Variants in STYK1 observed in about 807,000 individuals in gnomAD.
STYK1 encodes tyrosine-protein kinase STYK1.
A neutral mutation model predicts 48.1 loss-of-function variants in STYK1; 46 were observed. The observed-to-expected ratio is 0.96, with a 90% CI of 0.75 to 1.22. STYK1 has a LOEUF of 1.22. STYK1 is among the 50% of genes most tolerant of loss of function. The pLI is 0.00. For missense variants in STYK1, 527 were observed against 521.1 expected, an observed-to-expected ratio of 1.01 and a Z score of -0.11; for synonymous variants, 188 against 189.0, an observed-to-expected ratio of 0.99 and a Z score of 0.04.
intron 2 of STYK1, among the ~76,000 whole-genome samples, chr12:10,636,657 T>A (rs560409333): frequency 6.6e-6 from 1 of 152,328 alleles, no homozygotes; most frequent in East Asian, 1.9e-4. Context: ...ATTAGAAAAG[T>A]GATCACTGCT....
intron 6 of STYK1, among the ~76,000 whole-genome samples, chr12:10,627,999 G>A (rs944269695): frequency 1.3e-5 from 2 of 152,178 alleles, no homozygotes; most frequent in Non-Finnish European, 2.9e-5. Flanking sequence ...TTTTTCTAGG[G>A]CTCTGTGTGT....
rs1359649997 is a variant in STYK1 at position 10,664,305 on chromosome 12, C to A, written c.-195+9661G>T. On this transcript the variant is annotated intron_variant, in intron 1 of 10. Coordinates refer to ENST00000075503, the MANE Select transcript of STYK1 (RefSeq NM_018423.3). ...GAGAGTGTGTCCAAAGAATTCACAT[C>A]CCTAACTTCCTATTAATATAAATAC... Among the ~76,000 whole-genome samples the A allele has an allele frequency of 2.0e-5, 3 of 152,208 alleles. No homozygotes were observed. The East Asian group carries it at 5.8e-4, about 29-fold the overall frequency.
intron 1 of STYK1, among the ~76,000 whole-genome samples, chr12:10,642,482 T>C (rs894151539): frequency 7.9e-5 from 12 of 152,210 alleles, no homozygotes; most frequent in Non-Finnish European, 1.6e-4. Flanking sequence ...ATCATCAATA[T>C]GTGTTAGTCT....
intron 1 of STYK1, among the ~76,000 whole-genome samples, chr12:10,669,991 G>T (rs1947875103): frequency 6.6e-6 from 1 of 152,146 alleles, no homozygotes; most frequent in Non-Finnish European, 1.5e-5. Context: ...TGTTGGAGAG[G>T]ATATAGAGAA....
intron 1 of STYK1, among the ~76,000 whole-genome samples, chr12:10,637,483 A>G (rs955716028): frequency 5.3e-5 from 8 of 151,658 alleles, no homozygotes; most frequent in African/African-American, 1.5e-4. Flanking sequence ...GACTACAGGC[A>G]CCCACCACCA....
chr12:10,641,989 C>T (rs765123361), intron 1 of STYK1, among the ~76,000 whole-genome samples: 8 of 152,182 alleles, frequency 5.3e-5, no homozygotes, highest in African/African-American at 7.2e-5. Context: ...TGTCACCTGA[C>T]CTTGCCATTC....
intron 1 of STYK1, among the ~76,000 whole-genome samples, chr12:10,667,920 G>A (rs1947849646): frequency 6.6e-6 from 1 of 152,138 alleles, no homozygotes; most frequent in Non-Finnish European, 1.5e-5. Context: ...AAAAGCTAGT[G>A]AAGAAGGACA....
chr12:10,640,301 T>C (rs1200162198), intron 1 of STYK1, among the ~76,000 whole-genome samples: 2 of 152,124 alleles, frequency 1.3e-5, no homozygotes, highest in Non-Finnish European at 2.9e-5. Flanking sequence ...TCTACCGTTC[T>C]AGGGAAACAA....
chr12:10,650,860 C>T (rs1947655445), intron 1 of STYK1, among the ~76,000 whole-genome samples: 1 of 151,976 alleles, frequency 6.6e-6, no homozygotes, highest in South Asian at 2.1e-4. Context: ...CAAGAATTAG[C>T]CGGGCGTGGT....
At chr12:10,659,550 A>C (rs1173148723) in intron 1 of STYK1, among the ~76,000 whole-genome samples, 1 of 144,784 alleles carries the variant, frequency 6.9e-6, no homozygotes, top group African/African-American at 2.6e-5. Flanking sequence ...GGTTCCTGTA[A>C]GTGAAGAATG....
chr12:10,660,234 A>G (rs1409149038), intron 1 of STYK1, among the ~76,000 whole-genome samples: 1 of 152,188 alleles, frequency 6.6e-6, no homozygotes, highest in Non-Finnish European at 1.5e-5. Context: ...GTTTTCTTAA[A>G]TTGAACACTT....
Position 10,621,858 on chromosome 12 carries a change from C to G in STYK1, c.1064+18G>C, listed in dbSNP as rs1482284580. ...ACATTTGGAATGAAAGAGGAGCAGGCCTTTAAAAACCACTTACATGGTATG... is the reference window on the plus strand; with the variant it reads ...ACATTTGGAATGAAAGAGGAGCAGGGCTTTAAAAACCACTTACATGGTATG... On this transcript the variant is annotated intron_variant, in intron 10 of 10. Transcript: ENST00000075503. 1.2e-6 allele frequency: 2 copies of G among 1,608,904 alleles called. No individual in the cohort carries two copies. Among genetic ancestry groups the G allele is most frequent in the South Asian group, 2.2e-5 (2 of 90,866 alleles).
chr12:10,625,746 A>G (rs989546407), intron 7 of STYK1, among the ~76,000 whole-genome samples: 1 of 152,106 alleles, frequency 6.6e-6, no homozygotes, highest in African/African-American at 2.4e-5. Context: ...TACTATATAA[A>G]CTCTACTAAA....
chr12:10,626,361 T>C (rs760142989), intron 7 of STYK1, among the ~76,000 whole-genome samples: 8 of 152,138 alleles, frequency 5.3e-5, no homozygotes, highest in Non-Finnish European at 8.8e-5. Flanking sequence ...AGGGAACATA[T>C]CAACGAGGCC....
At position 10,629,572 on chromosome 12, in the gene STYK1, G is replaced by C. The variant is rs745881619; in HGVS notation, c.554C>G (p.Thr185Ser). The change falls in exon 6 of 11, where the codon ACT becomes AGT. Residue 185 changes from threonine (T) to serine (S), a missense_variant. By Grantham distance (58) the Thr-to-Ser change is moderately conservative (BLOSUM62 1). Coordinates refer to ENST00000075503, the MANE Select transcript of STYK1 (RefSeq NM_018423.3). ...KNLVQLEGCCTEKLPLYMVLE... is the reference protein window; with the variant it reads ...KNLVQLEGCCSEKLPLYMVLE... ...CACCATATAGAGTGGCAGCTTTTCA[G>C]TGCAGCAGCCTTCCAGCTGCACCAG... The C allele has an allele frequency of 1.2e-6, 2 of 1,614,186 alleles. No individual in the cohort carries two copies. The highest frequency in any genetic ancestry group is 1.7e-6 in the Non-Finnish European group (2 of 1,180,036).
At chr12:10,665,140 A>G (rs1223966262) in intron 1 of STYK1, among the ~76,000 whole-genome samples, 1 of 152,208 alleles carries the variant, frequency 6.6e-6, no homozygotes, top group East Asian at 1.9e-4. Context: ...AAAGAACGCA[A>G]ACACAGCAGG....
At chr12:10,627,204 A>C (rs1947368570) in intron 7 of STYK1, among the ~76,000 whole-genome samples, 1 of 152,140 alleles carries the variant, frequency 6.6e-6, no homozygotes, top group East Asian at 1.9e-4. Flanking sequence ...CTCAGGTATA[A>C]AATTGCATAC....
At chr12:10,664,237 G>C (rs1248790589) in intron 1 of STYK1, among the ~76,000 whole-genome samples, 2 of 152,044 alleles carry the variant, frequency 1.3e-5, no homozygotes, top group African/African-American at 4.8e-5. Context: ...AGACCACAAG[G>C]GATGATCTAA....
chr12:10,661,695 T>G (rs1256343283), intron 1 of STYK1, among the ~76,000 whole-genome samples: 1 of 152,178 alleles, frequency 6.6e-6, no homozygotes, highest in Admixed American at 6.5e-5. Flanking sequence ...AGAGGTTAAG[T>G]AAGTTGCTCC....
Sources: gnomAD v4.1 joint callset for allele counts (sites outside exome capture counted in the v4.1 genomes callset) on GRCh38, gnomAD v4.1.1 for gene constraint, MANE v1.5 for transcripts, NCBI Gene and HGNC (gene_info 2026-07-23, HGNC 2026-07-21) for gene names.